SASH1: variants seen among roughly 807,000 people sequenced by gnomAD.
SASH1 encodes SAM and SH3 domain-containing protein 1.
A neutral mutation model predicts 125.2 loss-of-function variants in SASH1; 44 were observed. That is an observed-to-expected ratio of 0.35 (90% CI 0.28 to 0.45). The LOEUF (loss-of-function observed/expected upper bound fraction) is 0.45, where lower values mean the gene tolerates loss of function less well. Ranked by LOEUF, SASH1 falls within the 20% of genes least tolerant of loss-of-function variation. SASH1 has a pLI of 1.00. For missense variants in SASH1, 1,426 were observed against 1,614.5 expected (o/e 0.88, Z 2.00); for synonymous variants, 639 against 649.1 (o/e 0.98, Z 0.24).
At chr6:148,509,949 C>T (rs1029632946) in intron 8 of SASH1, among the ~76,000 whole-genome samples, 9 of 152,232 alleles carry the variant, frequency 5.9e-5, no homozygotes, top group Non-Finnish European at 1.2e-4. Flanking sequence ...GGAGGCTCCA[C>T]CCTCCTCCGG....
intron 1 of SASH1, among the ~76,000 whole-genome samples, chr6:148,377,178 A>C (rs1370484882): frequency 1.1e-3 from 69 of 63,870 alleles, no homozygotes; most frequent in African/African-American, 3.8e-3. Flanking sequence ...TCAAAAAAAA[A>C]AAAAACAAAA....
intron 9 of SASH1, among the ~76,000 whole-genome samples, chr6:148,516,741 G>A (rs933245050): frequency 2.0e-5 from 3 of 147,512 alleles, no homozygotes; most frequent in African/African-American, 7.7e-5. Context: ...GACTCAAAGA[G>A]GCTAAAAGTA....
At chr6:148,542,693 A>G (rs208698) in intron 17 of SASH1, among the ~76,000 whole-genome samples, 151,127 of 152,390 alleles carry the variant, frequency 0.99, 74,934 homozygotes, top group East Asian at 1. Context: ...ACCATGGTCA[A>G]TATCTTCAGT....
chr6:148,359,875 C>A (rs955955006), intron 1 of SASH1, among the ~76,000 whole-genome samples: 2 of 152,198 alleles, frequency 1.3e-5, no homozygotes, highest in Non-Finnish European at 2.9e-5. Flanking sequence ...TCTCCTGCCT[C>A]AGCCTCCTGA....
rs1387494814 is a variant in SASH1 at position 148,326,444 on chromosome 6, G to T, written n.74+54067G>T. On this transcript the variant is annotated intron_variant and non_coding_transcript_variant, in intron 1 of 3. Transcript: ENST00000367469. Reference sequence around the variant, plus strand: ...TTTTGAGACAGGGTCTCACTCTGTTGCCCAGGCTAGAGTGCAATGGCGTGA... The same window carrying T: ...TTTTGAGACAGGGTCTCACTCTGTTTCCCAGGCTAGAGTGCAATGGCGTGA... Among the ~76,000 whole-genome samples, 4 of 122,292 alleles carry T rather than the reference G, an allele frequency of 3.3e-5. No homozygotes were observed. The South Asian group carries it at 8.0e-4, about 24-fold the overall frequency. The allele number at this position is 122,292 out of a possible 152,430, so 80.2% of individuals were successfully genotyped here. A position where few individuals can be genotyped will look rare whatever the true frequency, so the allele number is the denominator to read the frequency against.
At chr6:148,244,781 G>A in the SASH1 span, among the ~76,000 whole-genome samples, 6 of 152,150 alleles carry the variant, frequency 3.9e-5, no homozygotes, top group African/African-American at 1.4e-4. Context: ...AGGCCCCAAG[G>A]GCGACATGAG....
chr6:148,358,758 C>T (rs118041849), intron 1 of SASH1, among the ~76,000 whole-genome samples: 12,402 of 105,698 alleles, frequency 0.12, 804 homozygotes, highest in East Asian at 0.4. Flanking sequence ...TTTTTTGAGA[C>T]GGAGTCTCCC....
chr6:148,304,338 G>A (rs1309560271), intron 1 of SASH1, among the ~76,000 whole-genome samples: 1 of 152,068 alleles, frequency 6.6e-6, no homozygotes, highest in Non-Finnish European at 1.5e-5. Context: ...AGGAGGCTGA[G>A]GCAGGAGAAT....
the SASH1 span, among the ~76,000 whole-genome samples, chr6:148,247,040 G>T: frequency 6.6e-6 from 1 of 152,178 alleles, no homozygotes; most frequent in East Asian, 1.9e-4. Context: ...CAAGGGCGAT[G>T]GAATGGACTG....
In SASH1 at chr6:148,532,433, G is replaced by A. The variant is rs1462598238; in HGVS notation, c.1565-364G>A. ...TTTGGGCAAATGACATGACTGCTCT[G>A]AATTTGTTTCCTCATCTGTAAAATG... On this transcript the variant is annotated intron_variant, in intron 13 of 19. Transcript: ENST00000367467. This position sits in a 1 kb window ranked among gnomAD's most constrained non-coding sequence, Gnocchi z 4.7. Among the ~76,000 whole-genome samples the A allele has an allele frequency of 2.6e-5, 4 of 152,218 alleles. No individual in the cohort carries two copies. The highest frequency in any genetic ancestry group is 2.9e-5 in the Non-Finnish European group (2 of 68,038).
At chr6:148,433,226 T>G (rs1183167699) in intron 2 of SASH1, among the ~76,000 whole-genome samples, 1 of 152,156 alleles carries the variant, frequency 6.6e-6, no homozygotes, top group Non-Finnish European at 1.5e-5. Flanking sequence ...ATTTTTCTTT[T>G]TAACTATACC....
chr6:148,211,842 C>T, the SASH1 span, among the ~76,000 whole-genome samples: 16 of 152,236 alleles, frequency 1.1e-4, no homozygotes, highest in South Asian at 2.1e-4. Context: ...TGCCACCATG[C>T]GCTGGAAGCA....
At chr6:148,512,206 G>A (rs1342693508) in intron 8 of SASH1, among the ~76,000 whole-genome samples, 1 of 152,026 alleles carries the variant, frequency 6.6e-6, no homozygotes, top group Non-Finnish European at 1.5e-5. Flanking sequence ...TTTTAGTAGA[G>A]ACGGGGTTTC....
chr6:148,364,983 C>G (rs1380546041), intron 1 of SASH1, among the ~76,000 whole-genome samples: 1 of 152,012 alleles, frequency 6.6e-6, no homozygotes, highest in Non-Finnish European at 1.5e-5. Flanking sequence ...ATTAGCCAGG[C>G]ATGGTGGTAT....
rs553926097 is a variant in SASH1 at position 148,513,553 on chromosome 6, A to G, written c.730-771A>G. On this transcript the variant is annotated intron_variant, in intron 8 of 19. Coordinates refer to ENST00000367467, the MANE Select transcript of SASH1 (RefSeq NM_015278.5). ...CTGGGTCACTGCTGCAGAGAGAGAT[A>G]TTTTTCCCTCTCTCTGTAATGTTTG... 3.8e-5 allele frequency: 37 copies of G among 985,376 alleles called. No individual in the cohort carries two copies. The South Asian group carries it at 1.4e-3, about 38-fold the overall frequency. 61.0% of individuals were successfully genotyped at this position (985,376 alleles called of 1,614,324 possible). A position where few individuals can be genotyped will look rare whatever the true frequency, so the allele number is the denominator to read the frequency against.
chr6:148,494,787 T>C (rs1448817026), intron 8 of SASH1, among the ~76,000 whole-genome samples: 2 of 152,230 alleles, frequency 1.3e-5, no homozygotes, highest in East Asian at 1.9e-4. Context: ...GAGAGAGCCA[T>C]GTGGTTGAAC....
chr6:148,203,277 C>A, the SASH1 span, among the ~76,000 whole-genome samples: 1 of 152,164 alleles, frequency 6.6e-6, no homozygotes, highest in African/African-American at 2.4e-5. Flanking sequence ...ACTGCTGTCA[C>A]CATTATGAGA....
At chr6:148,385,251 T>G (rs113840107) in intron 1 of SASH1, among the ~76,000 whole-genome samples, 3 of 152,268 alleles carry the variant, frequency 2.0e-5, no homozygotes, top group African/African-American at 7.2e-5. Context: ...CCTGAGTTGA[T>G]TTGAACAGCT....
chr6:148,302,662 T>TACAC (rs749409477), intron 1 of SASH1, among the ~76,000 whole-genome samples: 1,486 of 66,790 alleles, frequency 0.022, 29 homozygotes, highest in African/African-American at 0.088. Flanking sequence ...TGTATATATA[T>TACAC]ACACACACAC....
Sources: gnomAD v4.1 joint callset for allele counts (sites outside exome capture counted in the v4.1 genomes callset) on GRCh38, gnomAD v4.1.1 for gene constraint, Gnocchi (gnomAD v3.1) non-coding constraint, MANE v1.5 for transcripts, NCBI Gene and HGNC (gene_info 2026-07-23, HGNC 2026-07-21) for gene names.